The following FGF12 variants were observed in gnomAD, a reference collection of about 807,000 sequenced individuals.
The protein encoded by FGF12 is fibroblast growth factor 12B.
FGF12 carries 14 observed loss-of-function variants against 23.6 expected under a neutral mutation model. The observed-to-expected ratio is 0.59, with a 90% CI of 0.39 to 0.93. The LOEUF is 0.93. Among genes scored for constraint, FGF12 ranks in the 40% least tolerant of loss-of-function variants. The pLI is 0.00. For synonymous variants in FGF12, 62 were observed against 77.3 expected, an observed-to-expected ratio of 0.80 and a Z score of 1.04; for missense variants, 175 against 217.8, an observed-to-expected ratio of 0.80 and a Z score of 1.24.
At chr3:192,398,871 C>T (rs374539789) in intron 2 of FGF12, among the ~76,000 whole-genome samples, 18 of 152,170 alleles carry the variant, frequency 1.2e-4, no homozygotes, top group African/African-American at 4.3e-4. Flanking sequence ...AGGAGAGATG[C>T]TACCTTCAGA....
intron 2 of FGF12, among the ~76,000 whole-genome samples, chr3:192,687,258 G>A (rs1174024184): frequency 6.6e-6 from 1 of 151,840 alleles, no homozygotes; most frequent in African/African-American, 2.4e-5. Flanking sequence ...GCAGGGTGGA[G>A]ACAGTCAGTA....
chr3:192,244,301 A>G (rs1406327513), intron 4 of FGF12, among the ~76,000 whole-genome samples: 1 of 152,124 alleles, frequency 6.6e-6, no homozygotes, highest in Non-Finnish European at 1.5e-5. Context: ...TTTCAGAAAT[A>G]TGGGACTGAT....
intron 4 of FGF12, among the ~76,000 whole-genome samples, chr3:192,298,699 G>A (rs1216115045): frequency 2.0e-5 from 3 of 152,096 alleles, no homozygotes; most frequent in African/African-American, 2.4e-5. Flanking sequence ...GTGAGCTATC[G>A]TGCCACTGCA....
At chr3:192,617,623 A>G (rs1714811595) in intron 2 of FGF12, among the ~76,000 whole-genome samples, 1 of 152,040 alleles carries the variant, frequency 6.6e-6, no homozygotes, top group South Asian at 2.1e-4. Context: ...AATACAACCA[A>G]CCTGAGGCTC....
At chr3:192,250,219 CTT>C (rs1711915753) in intron 4 of FGF12, among the ~76,000 whole-genome samples, 1 of 152,070 alleles carries the variant, frequency 6.6e-6, no homozygotes, top group Non-Finnish European at 1.5e-5. Flanking sequence ...ATTCTGGTAA[CTT>C]TTGAATTTGG....
In FGF12 at chr3:192,140,290, A is replaced by G. The variant is rs1713298087; in HGVS notation, c.*3719T>C. ...AATGCTATTTACAATTTTATGACAGAGAAATAACCTCAGCCTTTTATGGTA... is the reference window on the plus strand; with the variant it reads ...AATGCTATTTACAATTTTATGACAGGGAAATAACCTCAGCCTTTTATGGTA... On this transcript the variant is annotated 3_prime_UTR_variant, in exon 6 of 6. Transcript: ENST00000445105. 6.6e-6 allele frequency: 1 copy of G among 152,050 alleles called. No homozygotes were observed. The highest frequency in any genetic ancestry group is 1.5e-5 in the Non-Finnish European group (1 of 67,918). The allele number at this position is 152,050 out of a possible 1,614,324, so 9.4% of individuals were successfully genotyped here. A position where few individuals can be genotyped will look rare whatever the true frequency, so the allele number is the denominator to read the frequency against.
chr3:192,657,432 A>AAAC (rs67804650), intron 2 of FGF12, among the ~76,000 whole-genome samples: 1 of 151,222 alleles, frequency 6.6e-6, no homozygotes, highest in Non-Finnish European at 1.5e-5. Context: ...AAAAAAAAAA[A>AAAC]CAGAGAACTA....
chr3:192,499,795 G>A (rs1051225096), intron 2 of FGF12, among the ~76,000 whole-genome samples: 57 of 151,610 alleles, frequency 3.8e-4, no homozygotes, highest in African/African-American at 1.3e-3. Context: ...TGATCCGCCC[G>A]CCTCAGCCTC....
At chr3:192,365,827 G>C (rs1307241284) in intron 2 of FGF12, among the ~76,000 whole-genome samples, 1 of 151,920 alleles carries the variant, frequency 6.6e-6, no homozygotes, top group African/African-American at 2.4e-5. Context: ...GTGCTATGAA[G>C]TATTTCCTAG....
chr3:192,357,504 T>C (rs1577384752), intron 3 of FGF12, among the ~76,000 whole-genome samples: 1 of 150,472 alleles, frequency 6.6e-6, no homozygotes, highest in South Asian at 2.1e-4. Flanking sequence ...AAAATGTGGG[T>C]AACAGTATTT....
intron 2 of FGF12, among the ~76,000 whole-genome samples, chr3:192,480,640 A>G (rs964345129): frequency 1.3e-5 from 2 of 152,206 alleles, no homozygotes; most frequent in African/African-American, 2.4e-5. Flanking sequence ...GTATCTCACT[A>G]TGGGGAAACA....
chr3:192,524,173 A>C (rs939454390), intron 2 of FGF12, among the ~76,000 whole-genome samples: 1 of 152,208 alleles, frequency 6.6e-6, no homozygotes, highest in Non-Finnish European at 1.5e-5. Context: ...AACATTCTCC[A>C]AAAGACACTA....
chr3:192,179,904 T>C (rs902668899), intron 4 of FGF12, among the ~76,000 whole-genome samples: 42 of 152,060 alleles, frequency 2.8e-4, no homozygotes, highest in Admixed American at 1.3e-4. Flanking sequence ...ACCTGACTTA[T>C]TACTCACTCT....
chr3:192,667,306 T>C (rs904140093), intron 2 of FGF12, among the ~76,000 whole-genome samples: 1 of 151,850 alleles, frequency 6.6e-6, no homozygotes, highest in Non-Finnish European at 1.5e-5. Context: ...GAGCAGAGTT[T>C]TAAAGGATGA....
chr3:192,491,022 T>C (rs1032882015), intron 2 of FGF12, among the ~76,000 whole-genome samples: 2 of 152,158 alleles, frequency 1.3e-5, no homozygotes, highest in Non-Finnish European at 2.9e-5. Context: ...CATTCCTCTG[T>C]ATGTGATATT....
At chr3:192,724,899 C>T (rs1451829846) in intron 2 of FGF12, among the ~76,000 whole-genome samples, 2 of 152,126 alleles carry the variant, frequency 1.3e-5, no homozygotes, top group African/African-American at 4.8e-5. Flanking sequence ...GGATAGAGAA[C>T]TCTTGAACCC....
chr3:192,607,377 G>T (rs1231161084), intron 2 of FGF12, among the ~76,000 whole-genome samples: 1 of 152,308 alleles, frequency 6.6e-6, no homozygotes, highest in African/African-American at 2.4e-5. Flanking sequence ...GCATAAGGAA[G>T]AACGAAGAAT....
At chr3:192,356,900 A>G (rs1718495684) in intron 3 of FGF12, among the ~76,000 whole-genome samples, 2 of 152,224 alleles carry the variant, frequency 1.3e-5, no homozygotes, top group Non-Finnish European at 2.9e-5. Flanking sequence ...TTGACTTCTA[A>G]TCCCCACTCT....
At chr3:192,718,226 C>T (rs1318799910) in intron 2 of FGF12, among the ~76,000 whole-genome samples, 4 of 127,292 alleles carry the variant, frequency 3.1e-5, no homozygotes, top group Non-Finnish European at 6.2e-5. Flanking sequence ...GAGAAGAAAA[C>T]CATATCCACC....
Sources: gnomAD v4.1 joint callset for allele counts (sites outside exome capture counted in the v4.1 genomes callset) on GRCh38, gnomAD v4.1.1 for gene constraint, MANE v1.5 for transcripts, NCBI Gene and HGNC (gene_info 2026-07-23, HGNC 2026-07-21) for gene names.